Variants in ASIC2 observed in about 807,000 individuals in gnomAD.
ASIC2 encodes the protein acid sensing ion channel subunit 2.
In ASIC2, 25 loss-of-function variants were observed where a neutral mutation model predicts 57.3. That is an observed-to-expected ratio of 0.44 (90% CI 0.32 to 0.61). ASIC2 has a LOEUF of 0.61. ASIC2 is among the 20% of genes least tolerant of loss of function. ASIC2 has a pLI of 0.06. For synonymous variants in ASIC2, 319 were observed against 307.5 expected, an observed-to-expected ratio of 1.04 and a Z score of -0.39; for missense variants, 641 against 738.1, an observed-to-expected ratio of 0.87 and a Z score of 1.52.
chr17:33,349,741 T>C (rs886448470), intron 1 of ASIC2, among the ~76,000 whole-genome samples: 2 of 152,366 alleles, frequency 1.3e-5, no homozygotes, highest in Admixed American at 1.3e-4. Flanking sequence ...AGCTGTATTA[T>C]ATGTACTCAA....
At chr17:33,491,801 T>C (rs149362487) in intron 1 of ASIC2, among the ~76,000 whole-genome samples, 1 of 152,342 alleles carries the variant, frequency 6.6e-6, no homozygotes, top group Non-Finnish European at 1.5e-5. Context: ...CTCTCTGCCA[T>C]GGTCAGCCTG....
intron 1 of ASIC2, among the ~76,000 whole-genome samples, chr17:34,086,487 G>A (rs1031715272): frequency 6.6e-6 from 1 of 151,838 alleles, no homozygotes; most frequent in Non-Finnish European, 1.5e-5. Context: ...AATAGGTGTG[G>A]TGTGGTGCTG....
In ASIC2 at chr17:34,082,128, C is replaced by T. The variant is rs528958042; in HGVS notation, c.555+73850G>A. 10 of 152,310 alleles carry T rather than the reference C, an allele frequency of 6.6e-5. No homozygotes were observed. In the South Asian group the frequency reaches 8.3e-4, roughly 13 times the overall value. 9.4% of individuals were successfully genotyped at this position (152,310 alleles called of 1,614,324 possible). A position where few individuals can be genotyped will look rare whatever the true frequency, so the allele number is the denominator to read the frequency against. On this transcript the variant is annotated intron_variant, in intron 1 of 9. Transcript: ENST00000359872. Reference sequence around the variant, plus strand: ...AATCCCAGCATGCTTAAAGGTCTTTCTCAAGTTCTTCCTGCTGCTTCAGGA... The same window carrying T: ...AATCCCAGCATGCTTAAAGGTCTTTTTCAAGTTCTTCCTGCTGCTTCAGGA...
At chr17:33,328,322 G>A (rs1907161188) in intron 1 of ASIC2, among the ~76,000 whole-genome samples, 1 of 152,162 alleles carries the variant, frequency 6.6e-6, no homozygotes, top group South Asian at 2.1e-4. Context: ...GGAGGGTGCT[G>A]GCCATGGTGC....
At chr17:33,403,372 A>G (rs1224777782) in intron 1 of ASIC2, among the ~76,000 whole-genome samples, 4 of 152,158 alleles carry the variant, frequency 2.6e-5, no homozygotes, top group African/African-American at 9.7e-5. Flanking sequence ...TCCCATTAAC[A>G]TTTGGGAAGA....
At chr17:33,323,604 C>T (rs1300159728) in intron 1 of ASIC2, among the ~76,000 whole-genome samples, 1 of 152,280 alleles carries the variant, frequency 6.6e-6, no homozygotes, top group South Asian at 2.1e-4. Context: ...ATCCCAGCTA[C>T]TTGGGAGGCT....
chr17:33,823,535 A>C (rs1912814177), intron 1 of ASIC2, among the ~76,000 whole-genome samples: 1 of 152,178 alleles, frequency 6.6e-6, no homozygotes, highest in Non-Finnish European at 1.5e-5. Context: ...CGTGTCTGTG[A>C]GTAGCAGCAA....
chr17:33,113,821 A>C (rs1292799285), intron 1 of ASIC2, among the ~76,000 whole-genome samples: 1 of 152,244 alleles, frequency 6.6e-6, no homozygotes, highest in African/African-American at 2.4e-5. Context: ...AAGGTCACAC[A>C]GCTAGTAGCA....
chr17:33,464,698 T>C lies in ASIC2; in HGVS notation c.556-352631A>G, dbSNP rs576584976. 4.6e-4 allele frequency among the ~76,000 whole-genome samples: 66 copies of C among 144,570 alleles called. 1 individual carries two copies. The highest frequency in any genetic ancestry group is 7.1e-4 in the Non-Finnish European group (48 of 67,214). 94.8% of individuals were successfully genotyped at this position (144,570 alleles called of 152,430 possible). A position where few individuals can be genotyped will look rare whatever the true frequency, so the allele number is the denominator to read the frequency against. On this transcript the variant is annotated intron_variant, in intron 1 of 9. Transcript: ENST00000359872. Reference sequence around the variant, plus strand: ...CTCTCTCTCTCTCTCTATATATATATATATATGTATATATATGTATATAAC... The same window carrying C: ...CTCTCTCTCTCTCTCTATATATATACATATATGTATATATATGTATATAAC...
intron 1 of ASIC2, among the ~76,000 whole-genome samples, chr17:33,660,548 AAAT>A (rs1359896832): frequency 2.6e-5 from 4 of 152,332 alleles, no homozygotes; most frequent in South Asian, 2.1e-4. Context: ...GTACACTCTA[AAAT>A]AATGATGAAA....
chr17:33,577,672 CTAT>C lies in ASIC2; in HGVS notation c.556-465608_556-465606del, dbSNP rs1281599439. Among the ~76,000 whole-genome samples the C allele has an allele frequency of 7.2e-5, 11 of 152,284 alleles. No individual in the cohort carries two copies. The East Asian group carries it at 1.9e-3, about 27-fold the overall frequency. On this transcript the variant is annotated intron_variant, in intron 1 of 9. Transcript: ENST00000359872. The stretch of plus-strand genomic sequence containing the variant: ...AGTGGAAAAGCAGTTCCCCTAGCAC[CTAT>C]TTTTACCAGTCCCCTCATTCTCTAA...
At chr17:33,712,598 G>A (rs1909075155) in intron 1 of ASIC2, among the ~76,000 whole-genome samples, 1 of 143,420 alleles carries the variant, frequency 7.0e-6, no homozygotes, top group African/African-American at 2.6e-5. Flanking sequence ...TCAACTGCAT[G>A]TGAGGGTGGA....
intron 1 of ASIC2, among the ~76,000 whole-genome samples, chr17:33,416,187 C>T (rs1910834825): frequency 6.6e-6 from 1 of 152,176 alleles, no homozygotes; most frequent in African/African-American, 2.4e-5. Flanking sequence ...CACTCACACA[C>T]CCAATTCACA....
intron 1 of ASIC2, among the ~76,000 whole-genome samples, chr17:33,272,767 C>CAAAACA (rs1904554127): frequency 6.6e-6 from 1 of 152,112 alleles, no homozygotes; most frequent in Admixed American, 6.5e-5. Context: ...TTACATTGAA[C>CAAAACA]AAAACAATTT....
chr17:33,238,042 T>C (rs775291361), intron 1 of ASIC2, among the ~76,000 whole-genome samples: 30 of 152,358 alleles, frequency 2.0e-4, no homozygotes, highest in Middle Eastern at 3.4e-3. Flanking sequence ...CCGGTAGGCC[T>C]GTGTGGTTCC....
chr17:33,363,056 C>T (rs992071620), intron 1 of ASIC2, among the ~76,000 whole-genome samples: 2 of 152,050 alleles, frequency 1.3e-5, no homozygotes, highest in Admixed American at 6.5e-5. Flanking sequence ...TTGGCAGTTG[C>T]CTAATATATG....
chr17:33,672,286 C>A (rs1907662069), intron 1 of ASIC2, among the ~76,000 whole-genome samples: 1 of 152,164 alleles, frequency 6.6e-6, no homozygotes, highest in African/African-American at 2.4e-5. Flanking sequence ...GGCTGCTCTA[C>A]TACAGACCTT....
At chr17:33,396,286 T>C (rs1453051267) in intron 1 of ASIC2, among the ~76,000 whole-genome samples, 2 of 152,154 alleles carry the variant, frequency 1.3e-5, no homozygotes, top group African/African-American at 2.4e-5. Flanking sequence ...TTCTGCTAAA[T>C]AGAAAATCAA....
intron 1 of ASIC2, among the ~76,000 whole-genome samples, chr17:33,818,248 A>C (rs1301025454): frequency 6.6e-6 from 1 of 152,264 alleles, no homozygotes; most frequent in African/African-American, 2.4e-5. Flanking sequence ...AATGGGAATA[A>C]GAATACTCTA....
Sources: gnomAD v4.1 joint callset for allele counts (sites outside exome capture counted in the v4.1 genomes callset) on GRCh38, gnomAD v4.1.1 for gene constraint, MANE v1.5 for transcripts, NCBI Gene and HGNC (gene_info 2026-07-23, HGNC 2026-07-21) for gene names.